Variants in CNTN3 observed in about 807,000 individuals in gnomAD.
The protein encoded by CNTN3 is contactin 3, also known as contactin-3.
CNTN3 carries 60 observed loss-of-function variants against 119.1 expected under a neutral mutation model. That is an observed-to-expected ratio of 0.50 (90% CI 0.41 to 0.62). CNTN3 has a LOEUF of 0.62. CNTN3 is among the 20% of genes least tolerant of loss of function. The probability of loss-of-function intolerance (pLI) is 0.00; values close to 1 mark genes in which losing one functional copy is unlikely to be tolerated. For missense variants in CNTN3, 1,101 were observed against 1,242.4 expected (o/e 0.89, Z 1.71); for synonymous variants, 450 against 438.7 (o/e 1.03, Z -0.32).
chr3:74,473,967 T>C (rs983141740), intron 4 of CNTN3, among the ~76,000 whole-genome samples: 1 of 152,172 alleles, frequency 6.6e-6, no homozygotes, highest in Non-Finnish European at 1.5e-5. Flanking sequence ...ATTGGAGGTT[T>C]TGTCCAGGGA....
chr3:74,531,623 C>T (rs1007041582), intron 1 of CNTN3, among the ~76,000 whole-genome samples: 2 of 151,702 alleles, frequency 1.3e-5, no homozygotes, highest in East Asian at 1.9e-4. Flanking sequence ...AGCACTGGGC[C>T]GAGGGAGAAG....
chr3:74,594,820 G>A (rs1704770703), intron 1 of CNTN3, among the ~76,000 whole-genome samples: 1 of 151,838 alleles, frequency 6.6e-6, no homozygotes, highest in African/African-American at 2.4e-5. Flanking sequence ...CCAGTAATGG[G>A]ATGGCTGGGT....
intron 1 of CNTN3, among the ~76,000 whole-genome samples, chr3:74,557,565 G>T (rs1704089477): frequency 6.6e-6 from 1 of 152,030 alleles, no homozygotes; most frequent in African/African-American, 2.4e-5. Flanking sequence ...CAATCCATAT[G>T]GGAAATTTCT....
chr3:74,401,472 T>C (rs1378839961), intron 5 of CNTN3, among the ~76,000 whole-genome samples: 1 of 151,814 alleles, frequency 6.6e-6, no homozygotes. Context: ...TCATATTCAC[T>C]CTCTCCTCTC....
chr3:74,519,470 T>G (rs974161610), intron 2 of CNTN3, among the ~76,000 whole-genome samples: 2 of 151,856 alleles, frequency 1.3e-5, no homozygotes, highest in Admixed American at 1.3e-4. Flanking sequence ...TTTTAAAAGC[T>G]GATCTCATTT....
At chr3:74,470,123 G>C (rs997025702) in intron 4 of CNTN3, among the ~76,000 whole-genome samples, 5 of 152,094 alleles carry the variant, frequency 3.3e-5, no homozygotes, top group African/African-American at 1.2e-4. Flanking sequence ...AAAATGTCCA[G>C]AATAGGCAAA....
intron 8 of CNTN3, among the ~76,000 whole-genome samples, chr3:74,366,468 A>G (rs76510936): frequency 0.012 from 1,865 of 152,134 alleles, 13 homozygotes; most frequent in Non-Finnish European, 0.02. Context: ...TATATACAGT[A>G]TATCCAGCCA....
chr3:74,347,379 C>T (rs1378278947), intron 11 of CNTN3, among the ~76,000 whole-genome samples: 2 of 152,084 alleles, frequency 1.3e-5, no homozygotes, highest in South Asian at 2.1e-4. Context: ...ATAGCTGAAA[C>T]GACCGGTGTG....
At chr3:74,576,240 T>G (rs981755795) in intron 1 of CNTN3, among the ~76,000 whole-genome samples, 8 of 152,194 alleles carry the variant, frequency 5.3e-5, no homozygotes, top group African/African-American at 1.7e-4. Flanking sequence ...ATCACACAGA[T>G]TCATTTCTTC....
intron 19 of CNTN3, among the ~76,000 whole-genome samples, chr3:74,291,114 C>T (rs547448261): frequency 2.4e-4 from 36 of 151,894 alleles, no homozygotes; most frequent in Non-Finnish European, 4.0e-4. Flanking sequence ...GTGTTCTCGT[C>T]GTTCAGTTCC....
At chr3:74,268,267 G>A (rs1323380170) in intron 20 of CNTN3, among the ~76,000 whole-genome samples, 1 of 152,064 alleles carries the variant, frequency 6.6e-6, no homozygotes, top group East Asian at 1.9e-4. Context: ...TAGGGCACTG[G>A]AAAAATCAGT....
At chr3:74,388,261 A>G in intron 5 of CNTN3, among the ~76,000 whole-genome samples, 1 of 152,206 alleles carries the variant, frequency 6.6e-6, no homozygotes, top group East Asian at 1.9e-4. Flanking sequence ...AAAAGTCTAC[A>G]CTGTAAATAT....
At chr3:74,601,242 C>G (rs1704905486) in intron 1 of CNTN3, among the ~76,000 whole-genome samples, 1 of 151,942 alleles carries the variant, frequency 6.6e-6, no homozygotes. Flanking sequence ...TCCAACTTTA[C>G]AGGTGAAGAA....
chr3:74,614,260 C>T (rs1436924324), intron 1 of CNTN3, among the ~76,000 whole-genome samples, 131 bp downstream of exon 1: 1 of 152,162 alleles, frequency 6.6e-6, no homozygotes. Context: ...ATTCTCGACC[C>T]GTCAGGTGCA....
At chr3:74,470,111 ATAAAAT>A in intron 4 of CNTN3, among the ~76,000 whole-genome samples, 1 of 152,166 alleles carries the variant, frequency 6.6e-6, no homozygotes, top group African/African-American at 2.4e-5. Context: ...TTCCGTGTAT[ATAAAAT>A]GTCCAGAATA....
chr3:74,433,889 T>C (rs1701826437), intron 4 of CNTN3, among the ~76,000 whole-genome samples: 1 of 152,250 alleles, frequency 6.6e-6, no homozygotes, highest in Non-Finnish European at 1.5e-5. Context: ...CTTGTTCTTC[T>C]ATTCTGGGGG....
intron 5 of CNTN3, among the ~76,000 whole-genome samples, chr3:74,388,510 G>A (rs1159071619): frequency 6.6e-6 from 1 of 151,896 alleles, no homozygotes; most frequent in African/African-American, 2.4e-5. Context: ...ATAGAAAATA[G>A]CTCTTAAAAT....
At position 74,531,245 on chromosome 3, in the gene CNTN3, T is replaced by G. The variant is rs547278746; in HGVS notation, c.-80-10053A>C. Reference sequence around the variant, plus strand: ...TTTTTTTGCTTGAAATTGTATCCCTTACCTAAGCATTATCAGAAGTGGAGT... The same window carrying G: ...TTTTTTTGCTTGAAATTGTATCCCTGACCTAAGCATTATCAGAAGTGGAGT... On this transcript the variant is annotated intron_variant, in intron 1 of 22. Coordinates refer to ENST00000263665, the MANE Select transcript of CNTN3 (RefSeq NM_020872.3). Among the ~76,000 whole-genome samples, 6 of 152,092 alleles carry G rather than the reference T, an allele frequency of 3.9e-5. No homozygotes were observed. The South Asian group carries it at 1.2e-3, about 31-fold the overall frequency.
chr3:74,562,642 G>T (rs1242391451), intron 1 of CNTN3, among the ~76,000 whole-genome samples: 2 of 152,074 alleles, frequency 1.3e-5, no homozygotes, highest in African/African-American at 4.8e-5. Flanking sequence ...AACACTGCCT[G>T]CACAGTTTCT....
Sources: gnomAD v4.1 joint callset for allele counts (sites outside exome capture counted in the v4.1 genomes callset) on GRCh38, gnomAD v4.1.1 for gene constraint, MANE v1.5 for transcripts, NCBI Gene and HGNC (gene_info 2026-07-23, HGNC 2026-07-21) for gene names.